Variants in PHF20 observed in about 807,000 individuals in gnomAD.
PHF20 encodes the protein glioma-expressed antigen 2.
PHF20 carries 23 observed loss-of-function variants against 113.5 expected under a neutral mutation model. That is an observed-to-expected ratio of 0.20 (90% CI 0.15 to 0.29). The LOEUF (loss-of-function observed/expected upper bound fraction) is 0.29. PHF20 is among the 10% of genes least tolerant of loss of function. The probability of loss-of-function intolerance (pLI) is 1.00; values close to 1 mark genes in which losing one functional copy is unlikely to be tolerated. For synonymous variants in PHF20, 434 were observed against 457.3 expected, an observed-to-expected ratio of 0.95 and a Z score of 0.65; for missense variants, 943 against 1,219.6, an observed-to-expected ratio of 0.77 and a Z score of 3.38.
intron 2 of PHF20, among the ~76,000 whole-genome samples, chr20:35,803,229 G>T (rs2041815856): frequency 6.7e-6 from 1 of 150,064 alleles, no homozygotes; most frequent in African/African-American, 2.5e-5. Context: ...TCCAGCCTGG[G>T]TGACTGAGCG....
At chr20:35,795,627 C>T (rs535008734) in intron 1 of PHF20, among the ~76,000 whole-genome samples, 41 of 152,064 alleles carry the variant, frequency 2.7e-4, no homozygotes, top group African/African-American at 9.6e-4. Context: ...GGCCATTATC[C>T]CCATATCATA....
intron 5 of PHF20, among the ~76,000 whole-genome samples, chr20:35,858,792 C>A (rs931334664): frequency 6.6e-6 from 1 of 152,136 alleles, no homozygotes; most frequent in Admixed American, 6.6e-5. Context: ...AGGCTGGTCT[C>A]GAACTCCTGA....
chr20:35,815,918 C>T (rs1242655282), intron 2 of PHF20, among the ~76,000 whole-genome samples: 3 of 152,076 alleles, frequency 2.0e-5, no homozygotes, highest in African/African-American at 7.2e-5. Context: ...ATATATTCCC[C>T]CTCCAGCTTT....
At chr20:35,773,492 C>T (rs2041106088) in intron 1 of PHF20, among the ~76,000 whole-genome samples, 1 of 152,144 alleles carries the variant, frequency 6.6e-6, no homozygotes, top group Non-Finnish European at 1.5e-5. Context: ...GCACACTTCC[C>T]AGAGTCACAC....
At chr20:35,932,350 C>T (rs950875324) in intron 15 of PHF20, among the ~76,000 whole-genome samples, 78 of 145,848 alleles carry the variant, frequency 5.3e-4, no homozygotes, top group Non-Finnish European at 9.5e-4. Context: ...ATTACAGGCA[C>T]GAGCCACTGT....
intron 2 of PHF20, among the ~76,000 whole-genome samples, chr20:35,842,207 A>G (rs927131575): frequency 2.0e-5 from 3 of 152,224 alleles, no homozygotes; most frequent in East Asian, 1.9e-4. Context: ...TTAGCTGGGC[A>G]TGGTGGCGGG....
At chr20:35,809,412 C>T (rs1312976875) in intron 2 of PHF20, among the ~76,000 whole-genome samples, 1 of 151,918 alleles carries the variant, frequency 6.6e-6, no homozygotes, top group Non-Finnish European at 1.5e-5. Flanking sequence ...AACCCTGTCT[C>T]TACTAAAAGT....
chr20:35,816,197 C>T (rs1409252374), intron 2 of PHF20, among the ~76,000 whole-genome samples: 1 of 152,120 alleles, frequency 6.6e-6, no homozygotes, highest in African/African-American at 2.4e-5. Context: ...CCTCGTGATC[C>T]ACTTACCTCA....
chr20:35,866,784 G>A (rs2054327301), intron 6 of PHF20, among the ~76,000 whole-genome samples: 1 of 152,148 alleles, frequency 6.6e-6, no homozygotes, highest in African/African-American at 2.4e-5. Flanking sequence ...CTGCTCCTTT[G>A]AAGCCACATG....
intron 16 of PHF20, among the ~76,000 whole-genome samples, chr20:35,939,576 C>T (rs2055937091): frequency 6.6e-6 from 1 of 152,180 alleles, no homozygotes; most frequent in African/African-American, 2.4e-5. Context: ...AAAAATGGTA[C>T]ACTTTGTCAA....
intron 10 of PHF20, among the ~76,000 whole-genome samples, chr20:35,906,824 C>T (rs2055209067): frequency 1.3e-5 from 2 of 152,166 alleles, no homozygotes. Flanking sequence ...GGGAAGGGCA[C>T]TGCAGCCTTT....
intron 9 of PHF20, among the ~76,000 whole-genome samples, chr20:35,886,429 G>A (rs1003576003): frequency 3.3e-5 from 5 of 151,960 alleles, no homozygotes; most frequent in Admixed American, 6.6e-5. Context: ...CCTGGCCTTC[G>A]CTAATCTTTG....
chr20:35,831,210 A>T (rs2146919615), intron 2 of PHF20, among the ~76,000 whole-genome samples: 1 of 144,144 alleles, frequency 6.9e-6, no homozygotes, highest in East Asian at 2.0e-4. Flanking sequence ...CCCAGGGTGG[A>T]GTTCAGTAGT....
intron 2 of PHF20, among the ~76,000 whole-genome samples, chr20:35,823,631 T>TA (rs2042211877): frequency 1.9e-5 from 1 of 53,618 alleles, no homozygotes; most frequent in Non-Finnish European, 3.2e-5. Context: ...AGACCCTGTC[T>TA]CAAAAAAAAA....
At chr20:35,933,985 T>G (rs1234787493) in intron 15 of PHF20, among the ~76,000 whole-genome samples, 1 of 152,256 alleles carries the variant, frequency 6.6e-6, no homozygotes, top group African/African-American at 2.4e-5. Flanking sequence ...TCTCTCTATG[T>G]GATACTGCAT....
chr20:35,868,806 C>G (rs753074365), intron 6 of PHF20, among the ~76,000 whole-genome samples: 1 of 152,030 alleles, frequency 6.6e-6, no homozygotes, highest in Non-Finnish European at 1.5e-5. Context: ...AATACAAATT[C>G]TCGGCTGGGT....
At chr20:35,912,617 A>T (rs151108058) in intron 10 of PHF20, among the ~76,000 whole-genome samples, 1,525 of 152,232 alleles carry the variant, frequency 0.01, 30 homozygotes, top group African/African-American at 0.035. Context: ...GGATCACCTG[A>T]GGTCAGGAGT....
chr20:35,831,855 T>C (rs2042362798), intron 2 of PHF20, among the ~76,000 whole-genome samples: 1 of 152,198 alleles, frequency 6.6e-6, no homozygotes, highest in Non-Finnish European at 1.5e-5. Context: ...GCTGGGAAGC[T>C]CTGGTAAAGA....
At chr20:35,868,959 C>T (rs912761397) in intron 6 of PHF20, among the ~76,000 whole-genome samples, 7 of 151,938 alleles carry the variant, frequency 4.6e-5, no homozygotes, top group Non-Finnish European at 1.0e-4. Flanking sequence ...GGTGTGGTGT[C>T]GGGTGCCTGT....
Sources: allele counts gnomAD v4.1 joint callset (sites outside exome capture counted in the v4.1 genomes callset), GRCh38; gene constraint gnomAD v4.1.1; transcripts MANE v1.5; gene names NCBI Gene and HGNC (gene_info 2026-07-23, HGNC 2026-07-21).